Variants in ZNF704 observed in about 807,000 individuals in gnomAD.
The protein encoded by ZNF704 is zinc finger protein 704, also known as glucocorticoid induced gene 1.
ZNF704 carries 10 observed loss-of-function variants against 44.7 expected under a neutral mutation model. That is an observed-to-expected ratio of 0.22 (90% confidence interval 0.14 to 0.38). The LOEUF (loss-of-function observed/expected upper bound fraction) is 0.38. Among genes scored for constraint, ZNF704 ranks in the 10% least tolerant of loss-of-function variants. ZNF704 has a pLI of 1.00. For synonymous variants in ZNF704, 211 were observed against 207.6 expected, an observed-to-expected ratio of 1.02 and a Z score of -0.14; for missense variants, 390 against 545.5, an observed-to-expected ratio of 0.71 and a Z score of 2.84.
intron 2 of ZNF704, among the ~76,000 whole-genome samples, chr8:80,726,663 T>C (rs1289469823): frequency 6.6e-6 from 1 of 152,140 alleles, no homozygotes; most frequent in African/African-American, 2.4e-5. Flanking sequence ...ACTGGGATGA[T>C]GGACATACAG....
intron 2 of ZNF704, among the ~76,000 whole-genome samples, chr8:80,755,834 A>C (rs114486932): frequency 0.016 from 2,492 of 152,266 alleles, 71 homozygotes; most frequent in African/African-American, 0.057. Context: ...GGCCAGCTGC[A>C]GTGGCTCACA....
intron 2 of ZNF704, among the ~76,000 whole-genome samples, chr8:80,711,338 G>A (rs772395137): frequency 7.2e-5 from 11 of 152,132 alleles, no homozygotes; most frequent in Non-Finnish European, 1.6e-4. Context: ...AAATGGCAGC[G>A]GTCTCATGGA....
intron 1 of ZNF704, among the ~76,000 whole-genome samples, chr8:80,842,383 T>C (rs1033194029): frequency 2.0e-5 from 3 of 152,186 alleles, no homozygotes; most frequent in Admixed American, 6.5e-5. Context: ...ATACCTTTAC[T>C]GAGAATTAGT....
At chr8:80,882,681 A>G in the ZNF704 span, among the ~76,000 whole-genome samples, 1 of 152,066 alleles carries the variant, frequency 6.6e-6, no homozygotes, top group African/African-American at 2.4e-5. Context: ...GCTAGACTTC[A>G]TCCATTATCA....
chr8:80,847,918 A>G (rs184622958), intron 1 of ZNF704, among the ~76,000 whole-genome samples: 12 of 152,340 alleles, frequency 7.9e-5, no homozygotes, highest in African/African-American at 2.6e-4. Flanking sequence ...ACAGAAAGCA[A>G]TTGTACTTTT....
chr8:80,723,400 A>C (rs1159137698), intron 2 of ZNF704, among the ~76,000 whole-genome samples: 2 of 152,222 alleles, frequency 1.3e-5, no homozygotes, highest in African/African-American at 4.8e-5. Context: ...GGAAATGCAA[A>C]GTATTTTAAC....
At chr8:80,718,494 A>G (rs1369077298) in intron 2 of ZNF704, among the ~76,000 whole-genome samples, 1 of 152,108 alleles carries the variant, frequency 6.6e-6, no homozygotes, top group Non-Finnish European at 1.5e-5. Context: ...GTAAAATTGG[A>G]CAGACAGGAT....
At chr8:80,710,373 C>T (rs1818966144) in intron 2 of ZNF704, among the ~76,000 whole-genome samples, 1 of 152,082 alleles carries the variant, frequency 6.6e-6, no homozygotes, top group Non-Finnish European at 1.5e-5. Flanking sequence ...GTCAATATTA[C>T]TCTCTTCATT....
chr8:80,679,956 A>T (rs775989171), intron 4 of ZNF704, among the ~76,000 whole-genome samples: 2 of 152,182 alleles, frequency 1.3e-5, no homozygotes, highest in Non-Finnish European at 2.9e-5. Context: ...CAGCTTCTGA[A>T]CTGTCTCTAG....
rs984971007 is a variant in ZNF704, at chr8:80,662,475, A to C, written c.927+2340T>G. On this transcript the variant is annotated intron_variant, in intron 6 of 8. Coordinates refer to ENST00000327835, the MANE Select transcript of ZNF704 (RefSeq NM_001033723.3). ...GTACCCAGGATTTCTGACCTAAGTG[A>C]AACAGTGATAAATGAAGATGAATGA... Among the ~76,000 whole-genome samples, 10 of 152,224 alleles carry C rather than the reference A, an allele frequency of 6.6e-5. No individual in the cohort carries two copies. The South Asian group carries it at 1.2e-3, about 19-fold the overall frequency.
intron 7 of ZNF704, chr8:80,658,971 A>G (rs558130749): frequency 6.5e-6 from 1 of 152,714 alleles, no homozygotes; most frequent in Admixed American, 6.5e-5. Context: ...AAACTATAAA[A>G]GATCCAATAT....
rs1484506984 is a variant in ZNF704 at position 80,635,776 on chromosome 8, T to C, written c.*5590A>G. 6.6e-6 allele frequency: 1 copy of C among 152,210 alleles called. No homozygotes were observed. The highest frequency in any genetic ancestry group is 2.4e-5 in the African/African-American group (1 of 41,460). The allele number at this position is 152,210 out of a possible 1,614,324, so 9.4% of individuals were successfully genotyped here. On this transcript the variant is annotated 3_prime_UTR_variant, in exon 9 of 9. Transcript: ENST00000327835. ...CTTTTTCCATACTTTGAAAACACAC[T>C]AGTAATGGTAAAAGGAGTAGCTGTT... is the stretch of plus-strand genomic sequence containing the variant.
At chr8:80,739,096 A>T (rs949381887) in intron 2 of ZNF704, among the ~76,000 whole-genome samples, 2 of 152,244 alleles carry the variant, frequency 1.3e-5, no homozygotes, top group African/African-American at 4.8e-5. Context: ...CCACTCAGGT[A>T]ATGAGTATAA....
At chr8:80,839,034 C>T (rs2129956642) in intron 1 of ZNF704, among the ~76,000 whole-genome samples, 1 of 152,348 alleles carries the variant, frequency 6.6e-6, no homozygotes, top group East Asian at 1.9e-4. Context: ...CTGGCTTCGG[C>T]TGTCTCTGGG....
At chr8:80,878,294 A>T (rs148076872), upstream of ZNF704, among the ~76,000 whole-genome samples, 1,370 of 151,544 alleles carry the variant, frequency 9.0e-3, 20 homozygotes, top group African/African-American at 0.032. Flanking sequence ...GGAAGGAAGG[A>T]AGGAAGGAAG....
intron 1 of ZNF704, among the ~76,000 whole-genome samples, chr8:80,868,460 C>T (rs888541345): frequency 2.6e-5 from 4 of 152,190 alleles, no homozygotes; most frequent in Non-Finnish European, 5.9e-5. Flanking sequence ...AATCCCAATA[C>T]ATATAGAAAG....
intron 2 of ZNF704, among the ~76,000 whole-genome samples, chr8:80,744,650 C>T (rs1227431275): frequency 6.6e-6 from 1 of 152,198 alleles, no homozygotes; most frequent in African/African-American, 2.4e-5. Flanking sequence ...GGGCACTCAA[C>T]TGGCACAAAT....
rs1817687151 is a variant in ZNF704 at position 80,637,938 on chromosome 8, T to A, written c.*3428A>T. The A allele has an allele frequency of 1.3e-5, 2 of 152,298 alleles. No homozygotes were observed. The highest frequency in any genetic ancestry group is 1.3e-4 in the Admixed American group (2 of 15,288). 9.4% of individuals were successfully genotyped at this position (152,298 alleles called of 1,614,324 possible). On this transcript the variant is annotated 3_prime_UTR_variant, in exon 9 of 9. Coordinates refer to ENST00000327835, the MANE Select transcript of ZNF704 (RefSeq NM_001033723.3). The stretch of plus-strand genomic sequence containing the variant: ...TTGGCCGGAGGTACTTCCCTTCAGG[T>A]CATTCTCTCCTTGCTTCAGGCAGCT...
intron 1 of ZNF704, among the ~76,000 whole-genome samples, chr8:80,836,122 C>T (rs997093546): frequency 6.6e-6 from 1 of 152,176 alleles, no homozygotes; most frequent in African/African-American, 2.4e-5. Flanking sequence ...GAGAACCCTC[C>T]AATGGCTCCC....
Sources: allele counts gnomAD v4.1 joint callset (sites outside exome capture counted in the v4.1 genomes callset), GRCh38; gene constraint gnomAD v4.1.1; transcripts MANE v1.5; gene names NCBI Gene and HGNC (gene_info 2026-07-23, HGNC 2026-07-21).